The following C1QTNF2 variants were observed in gnomAD, a reference collection of about 807,000 sequenced individuals.
C1QTNF2 encodes the protein C1q and TNF related 2.
C1QTNF2 carries 15 observed loss-of-function variants against 17.4 expected under a neutral mutation model. The ratio of observed to expected loss-of-function variants is 0.86; its 90% CI spans 0.58 to 1.33. C1QTNF2 has a LOEUF of 1.33. C1QTNF2 is among the 40% of genes most tolerant of loss of function. The pLI, the probability that C1QTNF2 is intolerant of heterozygous loss-of-function variation, is 0.00. For missense variants in C1QTNF2, 381 were observed against 392.3 expected (o/e 0.97, Z 0.24); for synonymous variants, 154 against 163.3 (o/e 0.94, Z 0.44).
At position 160,354,598 on chromosome 5, in the gene C1QTNF2, G is replaced by GTATATATATATATA. The variant is rs1172776724; in HGVS notation, c.244+156_244+169dup. On this transcript the variant is annotated intron_variant, in intron 2 of 2. Coordinates refer to ENST00000652664, the MANE Select transcript of C1QTNF2 (RefSeq NM_031908.6). Reference sequence around the variant, plus strand: ...TGTCTCAAGGGGAAAAAAAAAAAAAGTATATATATATATATATATATATAT... The same window carrying GTATATATATATATA: ...TGTCTCAAGGGGAAAAAAAAAAAAAGTATATATATATATATATATATATATATATATATATATAT... Among the ~76,000 whole-genome samples, 135 of 30,766 alleles carry GTATATATATATATA rather than the reference G, an allele frequency of 4.4e-3. 3 individuals are homozygous for GTATATATATATATA. Among genetic ancestry groups the GTATATATATATATA allele is most frequent in the African/African-American group, 7.3e-3 (62 of 8,532 alleles). The allele number at this position is 30,766 out of a possible 152,430, so 20.2% of individuals were successfully genotyped here.
intron 1 of C1QTNF2, among the ~76,000 whole-genome samples, chr5:160,360,213 A>C (rs1041872173): frequency 1.3e-5 from 2 of 152,088 alleles, no homozygotes; most frequent in African/African-American, 2.4e-5. Flanking sequence ...TGCCTCCCCC[A>C]TGTGTCTCCA....
intron 1 of C1QTNF2, among the ~76,000 whole-genome samples, chr5:160,365,433 C>G (rs185338639): frequency 6.6e-6 from 1 of 152,088 alleles, no homozygotes; most frequent in Admixed American, 6.6e-5. Flanking sequence ...GATACAGGGC[C>G]GGGCACAATG....
Position 160,367,463 on chromosome 5 carries a change from A to G in C1QTNF2, c.-10+3049T>C, listed in dbSNP as rs554746681. Among the ~76,000 whole-genome samples the G allele has an allele frequency of 8.5e-5, 13 of 152,352 alleles. 2 individuals carry two copies. In the South Asian group the frequency reaches 2.7e-3, roughly 32 times the overall value. The stretch of plus-strand genomic sequence containing the variant: ...GACCTTAAAAACGGTAACCAAGGTA[A>G]TATGAGTCATATGGGTAGGCCCTAA... On this transcript the variant is annotated intron_variant, in intron 1 of 2. Transcript: ENST00000652664.
chr5:160,348,345 T>C lies in C1QTNF2; in HGVS notation c.*823A>G, dbSNP rs1208857198. 2 of 152,252 alleles carry C rather than the reference T, an allele frequency of 1.3e-5. No homozygotes were observed. Among genetic ancestry groups the C allele is most frequent in the South Asian group, 2.1e-4 (1 of 4,830 alleles). The allele number at this position is 152,252 out of a possible 1,614,324, so 9.4% of individuals were successfully genotyped here. A position where few individuals can be genotyped will look rare whatever the true frequency, so the allele number is the denominator to read the frequency against. Reference sequence around the variant, plus strand: ...CACTTTGTATTCTGATAAGCCTTCGTGAATGGAACGAGCTCTGCCATGGCC... The same window carrying C: ...CACTTTGTATTCTGATAAGCCTTCGCGAATGGAACGAGCTCTGCCATGGCC... On this transcript the variant is annotated 3_prime_UTR_variant, in exon 3 of 3. Coordinates refer to ENST00000652664, the MANE Select transcript of C1QTNF2 (RefSeq NM_031908.6).
rs974905945 is a variant in C1QTNF2 at position 160,348,853 on chromosome 5, T to C, written c.*315A>G. On this transcript the variant is annotated 3_prime_UTR_variant, in exon 3 of 3. Transcript: ENST00000652664. ...TAATATTATATTATTTGCTTGTATA[T>C]TTGTAAATTGTATCTCCTGCTAGAA... 14 of 267,008 alleles carry C rather than the reference T, an allele frequency of 5.2e-5. No individual in the cohort carries two copies. The highest frequency in any genetic ancestry group is 4.2e-4 in the Admixed American group (9 of 21,344). 16.5% of individuals were successfully genotyped at this position (267,008 alleles called of 1,614,324 possible). A position where few individuals can be genotyped will look rare whatever the true frequency, so the allele number is the denominator to read the frequency against.
intron 1 of C1QTNF2, among the ~76,000 whole-genome samples, chr5:160,369,433 C>T (rs554012491): frequency 1.3e-5 from 2 of 151,948 alleles, no homozygotes; most frequent in African/African-American, 2.4e-5. Flanking sequence ...GTTTGAGGAT[C>T]GGGCAGTTGA....
intron 1 of C1QTNF2, among the ~76,000 whole-genome samples, chr5:160,365,259 A>G (rs1382539993): frequency 6.6e-6 from 1 of 152,196 alleles, no homozygotes; most frequent in Non-Finnish European, 1.5e-5. Context: ...AAGGGACTAC[A>G]CTTGAAGATC....
intron 1 of C1QTNF2, among the ~76,000 whole-genome samples, chr5:160,359,415 C>T (rs1764110411): frequency 6.6e-6 from 1 of 152,180 alleles, no homozygotes; most frequent in Non-Finnish European, 1.5e-5. Flanking sequence ...ATCCTAGTAC[C>T]CAAATGCTTT....
At chr5:160,356,007 G>A (rs537953319) in intron 1 of C1QTNF2, among the ~76,000 whole-genome samples, 10 of 152,302 alleles carry the variant, frequency 6.6e-5, no homozygotes, top group East Asian at 1.9e-4. Flanking sequence ...AGGCTAGACC[G>A]TGTCCTTAAG....
rs1401249846 is a variant in C1QTNF2 at position 160,356,632 on chromosome 5, G to A, written c.-9-1612C>T. 2.0e-5 allele frequency among the ~76,000 whole-genome samples: 3 copies of A among 152,206 alleles called. No individual in the cohort carries two copies. The East Asian group carries it at 5.8e-4, about 29-fold the overall frequency. On this transcript the variant is annotated intron_variant, in intron 1 of 2. Coordinates refer to ENST00000652664, the MANE Select transcript of C1QTNF2 (RefSeq NM_031908.6). Reference sequence around the variant, plus strand: ...CCAGATACAAAGCACTGTGGGCTTTGTAGTCCTCACTCAGCCTGTGGCTAT... The same window carrying A: ...CCAGATACAAAGCACTGTGGGCTTTATAGTCCTCACTCAGCCTGTGGCTAT...
At chr5:160,353,355 C>A (rs980793281) in intron 2 of C1QTNF2, among the ~76,000 whole-genome samples, 1 of 152,156 alleles carries the variant, frequency 6.6e-6, no homozygotes, top group African/African-American at 2.4e-5. Context: ...AATGTCACAA[C>A]GGAAAGGTCT....
At position 160,354,591 on chromosome 5, in the gene C1QTNF2, A is replaced by G. The variant is rs1265440531; in HGVS notation, c.244+177T>C. Reference sequence around the variant, plus strand: ...AAGCCTCTGTCTCAAGGGGAAAAAAAAAAAAAGTATATATATATATATATA... The same window carrying G: ...AAGCCTCTGTCTCAAGGGGAAAAAAGAAAAAAGTATATATATATATATATA... On this transcript the variant is annotated intron_variant, in intron 2 of 2. Transcript: ENST00000652664. 9.4e-5 allele frequency among the ~76,000 whole-genome samples: 3 copies of G among 31,904 alleles called. 1 individual carries two copies. The highest frequency in any genetic ancestry group is 1.8e-4 in the Non-Finnish European group (3 of 16,942). 20.9% of individuals were successfully genotyped at this position (31,904 alleles called of 152,430 possible). A position where few individuals can be genotyped will look rare whatever the true frequency, so the allele number is the denominator to read the frequency against.
chr5:160,362,607 C>G (rs1581039171), intron 1 of C1QTNF2, among the ~76,000 whole-genome samples: 1 of 152,124 alleles, frequency 6.6e-6, no homozygotes, highest in African/African-American at 2.4e-5. Flanking sequence ...GGGTCGAGGT[C>G]CCACTGGCGT....
At chr5:160,356,623 G>A (rs1764056725) in intron 1 of C1QTNF2, among the ~76,000 whole-genome samples, 1 of 152,192 alleles carries the variant, frequency 6.6e-6, no homozygotes, top group African/African-American at 2.4e-5. Context: ...ACAAAGCACT[G>A]TGGGCTTTGT....
At chr5:160,368,605 GT>G (rs1409812467) in intron 1 of C1QTNF2, among the ~76,000 whole-genome samples, 1 of 152,044 alleles carries the variant, frequency 6.6e-6, no homozygotes, top group Non-Finnish European at 1.5e-5. Context: ...TTATGCAAGA[GT>G]TCATCTCACA....
At chr5:160,351,607 T>C (rs979230200) in intron 2 of C1QTNF2, among the ~76,000 whole-genome samples, 1 of 152,142 alleles carries the variant, frequency 6.6e-6, no homozygotes, top group African/African-American at 2.4e-5. Flanking sequence ...TATTATTAAA[T>C]ACATATGTAA....
At position 160,348,891 on chromosome 5, in the gene C1QTNF2, G is replaced by C; in HGVS notation, c.*277C>G. ...TCTCCTGCTAGAATGTAAGCTGCAT[G>C]AGGACAGATACTCTGTCTTGTCCAC... On this transcript the variant is annotated 3_prime_UTR_variant, in exon 3 of 3. Coordinates refer to ENST00000652664, the MANE Select transcript of C1QTNF2 (RefSeq NM_031908.6). 1 of 377,236 alleles carries C rather than the reference G, an allele frequency of 2.7e-6. No individual in the cohort carries two copies. Among genetic ancestry groups the C allele is most frequent in the Non-Finnish European group, 4.7e-6 (1 of 210,826 alleles). 23.4% of individuals were successfully genotyped at this position (377,236 alleles called of 1,614,324 possible).
rs1370584987 is a variant in C1QTNF2 at position 160,349,406 on chromosome 5, T to TCG, written c.619_620insCG (p.His207ProfsTer69). The TCG allele has an allele frequency of 6.2e-7, 1 of 1,614,008 alleles. No homozygotes were observed. The highest frequency in any genetic ancestry group is 8.5e-7 in the Non-Finnish European group (1 of 1,180,022). The stretch of plus-strand genomic sequence containing the variant: ...GTTGTGCACCAGGCCGATGGCCAGG[T>TCG]GCTTGTTGGCCAGCGTGATGTCGTA... On this transcript the variant is annotated frameshift_variant, in exon 3 of 3. Coordinates refer to ENST00000652664, the MANE Select transcript of C1QTNF2 (RefSeq NM_031908.6). LOFTEE classifies it high-confidence loss of function. This position sits in a 1 kb window ranked among gnomAD's most constrained non-coding sequence, Gnocchi z 4.3.
intron 2 of C1QTNF2, among the ~76,000 whole-genome samples, 171 bp downstream of exon 2, chr5:160,354,597 A>AAAAATATATATATATAT (rs769774870): frequency 1.1e-5 from 1 of 89,306 alleles, no homozygotes; most frequent in African/African-American, 4.8e-5. Context: ...AAAAAAAAAA[A>AAAAATATATATATATAT]GTATATATAT....
Sources: gnomAD v4.1 joint callset for allele counts (sites outside exome capture counted in the v4.1 genomes callset) on GRCh38, gnomAD v4.1.1 for gene constraint, Gnocchi (gnomAD v3.1) non-coding constraint, MANE v1.5 for transcripts, NCBI Gene and HGNC (gene_info 2026-07-23, HGNC 2026-07-21) for gene names.